IMMP2L: variants seen among roughly 807,000 people sequenced by gnomAD.
IMMP2L encodes inner mitochondrial membrane peptidase subunit 2.
A neutral mutation model predicts 19.3 loss-of-function variants in IMMP2L; 18 were observed. The ratio of observed to expected loss-of-function variants is 0.93; its 90% confidence interval spans 0.64 to 1.38. The LOEUF (loss-of-function observed/expected upper bound fraction) is 1.38. Among genes scored for constraint, IMMP2L ranks in the 40% most tolerant of loss-of-function variants. The probability of loss-of-function intolerance (pLI) is 0.00; values close to 1 mark genes in which losing one functional copy is unlikely to be tolerated. For synonymous variants in IMMP2L, 76 were observed against 73.0 expected (o/e 1.04, Z -0.21); for missense variants, 233 against 218.2 (o/e 1.07, Z -0.43).
rs139401759 is a variant in IMMP2L at position 111,319,285 on chromosome 7, T to C, written c.239+167953A>G. ...GATGTTCTATATAGCTTAAAGACCA[T>C]AGTTAAAGTCCTCATAAGCACTAAA... On this transcript the variant is annotated intron_variant, in intron 3 of 5. Coordinates refer to ENST00000405709, the MANE Select transcript of IMMP2L (RefSeq NM_032549.4). 3.5e-3 allele frequency among the ~76,000 whole-genome samples: 535 copies of C among 152,182 alleles called. 6 individuals carry two copies. The highest frequency in any genetic ancestry group is 0.012 in the African/African-American group (515 of 41,542).
At chr7:111,312,181 C>T (rs1294867162) in intron 3 of IMMP2L, among the ~76,000 whole-genome samples, 1 of 152,068 alleles carries the variant, frequency 6.6e-6, no homozygotes, top group Non-Finnish European at 1.5e-5. Flanking sequence ...ATTTAATCTC[C>T]TTAGAGAAAG....
chr7:110,926,828 G>A (rs1012459974), intron 4 of IMMP2L, among the ~76,000 whole-genome samples: 15 of 152,042 alleles, frequency 9.9e-5, no homozygotes, highest in Non-Finnish European at 1.6e-4. Context: ...ATCACACACA[G>A]TGTCCTTTTA....
At chr7:110,974,621 A>G (rs919726719) in intron 3 of IMMP2L, among the ~76,000 whole-genome samples, 2 of 152,024 alleles carry the variant, frequency 1.3e-5, no homozygotes, top group African/African-American at 4.8e-5. Context: ...CACCGCTGCC[A>G]TCTGTTTGCC....
chr7:111,120,179 T>C (rs553547613), intron 3 of IMMP2L, among the ~76,000 whole-genome samples: 57 of 152,150 alleles, frequency 3.7e-4, no homozygotes, highest in African/African-American at 1.2e-3. Flanking sequence ...AAAAGAAAAA[T>C]ATCTAGGTCT....
intron 5 of IMMP2L, among the ~76,000 whole-genome samples, chr7:110,802,022 T>C (rs1801283636): frequency 6.6e-6 from 1 of 152,044 alleles, no homozygotes. Flanking sequence ...ATGAAATACA[T>C]GGAGCCCGGG....
At chr7:111,148,164 T>C (rs1268367796) in intron 3 of IMMP2L, among the ~76,000 whole-genome samples, 2 of 152,128 alleles carry the variant, frequency 1.3e-5, no homozygotes, top group Non-Finnish European at 2.9e-5. Flanking sequence ...CAATGGAATT[T>C]TATTTGGCAA....
At chr7:111,420,245 A>G (rs1835358591) in intron 3 of IMMP2L, among the ~76,000 whole-genome samples, 1 of 151,488 alleles carries the variant, frequency 6.6e-6, no homozygotes. Flanking sequence ...AACTCACAAT[A>G]AAATGGAGAA....
At chr7:111,523,413 C>G (rs991123432) in intron 1 of IMMP2L, among the ~76,000 whole-genome samples, 3 of 151,912 alleles carry the variant, frequency 2.0e-5, no homozygotes, top group African/African-American at 7.2e-5. Flanking sequence ...TCTGTTCACT[C>G]ATAAAATAAA....
At chr7:111,194,845 G>T (rs1186852850) in intron 3 of IMMP2L, among the ~76,000 whole-genome samples, 1 of 152,010 alleles carries the variant, frequency 6.6e-6, no homozygotes, top group Non-Finnish European at 1.5e-5. Flanking sequence ...GCTCTACCCA[G>T]TATCAACTTC....
intron 3 of IMMP2L, among the ~76,000 whole-genome samples, chr7:111,054,325 A>G (rs894774413): frequency 6.6e-6 from 1 of 152,316 alleles, no homozygotes; most frequent in Admixed American, 6.5e-5. Context: ...GAGCTTTCCT[A>G]TCTTGAAGAC....
intron 3 of IMMP2L, among the ~76,000 whole-genome samples, chr7:111,010,747 T>C (rs1824855462): frequency 6.6e-6 from 1 of 152,068 alleles, no homozygotes; most frequent in South Asian, 2.1e-4. Context: ...ATCAGATAAC[T>C]GAAGCTCATG....
chr7:111,146,937 T>C (rs1274215154), intron 3 of IMMP2L, among the ~76,000 whole-genome samples: 1 of 152,136 alleles, frequency 6.6e-6, no homozygotes, highest in African/African-American at 2.4e-5. Context: ...CATACGTTTC[T>C]TGGCTAAGGT....
chr7:111,470,405 G>T (rs1325981926), intron 3 of IMMP2L, among the ~76,000 whole-genome samples: 3 of 151,976 alleles, frequency 2.0e-5, no homozygotes, highest in African/African-American at 4.8e-5. Context: ...AAATCATGCT[G>T]CTATAGACAC....
intron 3 of IMMP2L, among the ~76,000 whole-genome samples, chr7:111,250,415 A>T (rs1815963969): frequency 6.6e-6 from 1 of 152,210 alleles, no homozygotes; most frequent in African/African-American, 2.4e-5. Flanking sequence ...TTTAAAATTC[A>T]TATGAAACCC....
chr7:110,868,117 T>TGTGTGTGTGTG (rs1808167469), intron 5 of IMMP2L, among the ~76,000 whole-genome samples: 3 of 144,376 alleles, frequency 2.1e-5, no homozygotes, highest in African/African-American at 7.8e-5. Flanking sequence ...CTTGTGAGGT[T>TGTGTGTGTGTG]TGTGTGTGTG....
At chr7:111,011,407 A>T (rs995700394) in intron 3 of IMMP2L, among the ~76,000 whole-genome samples, 8 of 152,100 alleles carry the variant, frequency 5.3e-5, no homozygotes, top group African/African-American at 1.9e-4. Flanking sequence ...TTAAAGAAAA[A>T]AGTACCCAAA....
intron 5 of IMMP2L, among the ~76,000 whole-genome samples, chr7:110,717,964 C>T (rs1795331934): frequency 6.6e-6 from 1 of 151,892 alleles, no homozygotes; most frequent in African/African-American, 2.4e-5. Context: ...GGGAAGGAAG[C>T]CAAAGGAAGG....
chr7:111,003,586 C>T (rs1014824227), intron 3 of IMMP2L, among the ~76,000 whole-genome samples: 39 of 151,870 alleles, frequency 2.6e-4, no homozygotes, highest in African/African-American at 9.4e-4. Context: ...ATCACAGCTT[C>T]CTGCAGCCTC....
chr7:110,732,982 C>G (rs1349429171), intron 5 of IMMP2L, among the ~76,000 whole-genome samples: 1 of 152,044 alleles, frequency 6.6e-6, no homozygotes, highest in Non-Finnish European at 1.5e-5. Flanking sequence ...GAGAGGGGGT[C>G]TCACTATGAT....
Sources: gnomAD v4.1 joint callset for allele counts (sites outside exome capture counted in the v4.1 genomes callset) on GRCh38, gnomAD v4.1.1 for gene constraint, MANE v1.5 for transcripts, NCBI Gene and HGNC (gene_info 2026-07-23, HGNC 2026-07-21) for gene names.